The following CNTN5 variants were observed in gnomAD, a reference collection of about 807,000 sequenced individuals.
CNTN5 encodes contactin-5.
In CNTN5, 77 loss-of-function variants were observed where a neutral mutation model predicts 129.1. The observed-to-expected ratio is 0.60, with a 90% CI of 0.50 to 0.72. The LOEUF is 0.72. CNTN5 is among the 30% of genes least tolerant of loss of function. The pLI, the probability that CNTN5 is intolerant of heterozygous loss-of-function variation, is 0.00. For synonymous variants in CNTN5, 509 were observed against 465.6 expected (o/e 1.09, Z -1.20); for missense variants, 1,478 against 1,328.8 (o/e 1.11, Z -1.75).
At chr11:99,988,252 G>A (rs1938821002) in intron 8 of CNTN5, among the ~76,000 whole-genome samples, 1 of 152,222 alleles carries the variant, frequency 6.6e-6, no homozygotes, top group Non-Finnish European at 1.5e-5. Flanking sequence ...AACAATCTGT[G>A]CAGATTAAAG....
intron 4 of CNTN5, among the ~76,000 whole-genome samples, chr11:99,826,507 G>A (rs1457366448): frequency 2.6e-5 from 4 of 152,132 alleles, no homozygotes. Context: ...GTATTATTTG[G>A]TAACATAGAA....
chr11:100,116,384 G>A (rs573736026), intron 13 of CNTN5, among the ~76,000 whole-genome samples: 2 of 151,900 alleles, frequency 1.3e-5, no homozygotes, highest in African/African-American at 4.8e-5. Flanking sequence ...AAAACAACCT[G>A]TAGAGCATGG....
intron 3 of CNTN5, among the ~76,000 whole-genome samples, chr11:99,635,362 G>A (rs1320178824): frequency 1.3e-5 from 2 of 152,066 alleles, no homozygotes; most frequent in African/African-American, 4.8e-5. Flanking sequence ...TTAAGATGAG[G>A]AAAATGTTAA....
At chr11:99,170,935 A>T (rs902212423) in intron 1 of CNTN5, among the ~76,000 whole-genome samples, 1 of 152,230 alleles carries the variant, frequency 6.6e-6, no homozygotes. Flanking sequence ...ACATTTCTAA[A>T]TTAAATGGAA....
intron 3 of CNTN5, among the ~76,000 whole-genome samples, chr11:99,582,800 T>A (rs981924401): frequency 6.6e-6 from 1 of 152,200 alleles, no homozygotes; most frequent in Admixed American, 6.5e-5. Context: ...TAGTTTGATC[T>A]TCTGAAGCCT....
At chr11:99,968,582 T>C (rs952624105) in intron 8 of CNTN5, among the ~76,000 whole-genome samples, 1 of 151,314 alleles carries the variant, frequency 6.6e-6, no homozygotes, top group African/African-American at 2.4e-5. Flanking sequence ...CAATGGAATG[T>C]AGCAAAGCCA....
At position 99,221,562 on chromosome 11, in the gene CNTN5, A is replaced by T. The variant is rs572639993; in HGVS notation, c.-209-103784A>T. 3.3e-5 allele frequency among the ~76,000 whole-genome samples: 5 copies of T among 152,066 alleles called. No homozygotes were observed. In the East Asian group the frequency reaches 9.6e-4, roughly 29 times the overall value. Reference sequence around the variant, plus strand: ...TCAGTTTATTCCCCTGATGGAAAAAAATGTTAATAGATATGCCACTTTTTA... The same window carrying T: ...TCAGTTTATTCCCCTGATGGAAAAATATGTTAATAGATATGCCACTTTTTA... On this transcript the variant is annotated intron_variant, in intron 1 of 24. Transcript: ENST00000524871.
chr11:99,767,454 A>T (rs1010663073), intron 3 of CNTN5, among the ~76,000 whole-genome samples: 7 of 152,076 alleles, frequency 4.6e-5, no homozygotes, highest in African/African-American at 1.7e-4. Flanking sequence ...ATATCACAAG[A>T]TTAGTGAATT....
chr11:99,369,157 T>C (rs1279358991), intron 2 of CNTN5, among the ~76,000 whole-genome samples: 1 of 147,468 alleles, frequency 6.8e-6, no homozygotes, highest in Non-Finnish European at 1.5e-5. Context: ...GACAAGAGGC[T>C]GGGAGAAGAA....
At chr11:99,725,471 G>C (rs10893798) in intron 3 of CNTN5, among the ~76,000 whole-genome samples, 42,454 of 151,462 alleles carry the variant, frequency 0.28, 6,354 homozygotes, top group African/African-American at 0.38. Context: ...TGTAGGCAAA[G>C]TTTTGATCCA....
intron 1 of CNTN5, among the ~76,000 whole-genome samples, chr11:99,218,104 G>T (rs1326454844): frequency 6.6e-6 from 1 of 152,006 alleles, no homozygotes; most frequent in Non-Finnish European, 1.5e-5. Flanking sequence ...TAAGATCAAT[G>T]ATCCTTCCTT....
At chr11:99,306,804 A>G (rs550222168) in intron 1 of CNTN5, among the ~76,000 whole-genome samples, 1 of 150,936 alleles carries the variant, frequency 6.6e-6, no homozygotes, top group African/African-American at 2.4e-5. Context: ...TAATATACAC[A>G]TAACATAAAA....
intron 21 of CNTN5, among the ~76,000 whole-genome samples, chr11:100,330,036 G>C (rs543892523): frequency 6.6e-6 from 1 of 152,246 alleles, no homozygotes; most frequent in Admixed American, 6.5e-5. Flanking sequence ...AATCAAGGAG[G>C]CACCAGAGAA....
chr11:99,931,001 T>C (rs915712450), intron 7 of CNTN5, among the ~76,000 whole-genome samples: 1 of 152,218 alleles, frequency 6.6e-6, no homozygotes, highest in African/African-American at 2.4e-5. Context: ...GTATAAATTA[T>C]ATACTCTCAA....
intron 4 of CNTN5, among the ~76,000 whole-genome samples, chr11:99,827,660 A>G (rs188094844): frequency 3.3e-5 from 5 of 152,324 alleles, no homozygotes; most frequent in Admixed American, 3.3e-4. Flanking sequence ...TATATCTGTA[A>G]TAACTTACAC....
chr11:99,185,380 G>C (rs1012745697), intron 1 of CNTN5, among the ~76,000 whole-genome samples: 3 of 151,768 alleles, frequency 2.0e-5, no homozygotes, highest in African/African-American at 7.3e-5. Flanking sequence ...GTAAATGATA[G>C]GTTAAGAAGT....
At chr11:100,258,749 A>G (rs1950131222) in intron 17 of CNTN5, among the ~76,000 whole-genome samples, 1 of 152,186 alleles carries the variant, frequency 6.6e-6, no homozygotes, top group East Asian at 1.9e-4. Flanking sequence ...AAATGCTGAG[A>G]GATGTTGTCA....
chr11:99,450,283 T>TAC (rs1447814535), intron 2 of CNTN5, among the ~76,000 whole-genome samples: 6 of 150,198 alleles, frequency 4.0e-5, no homozygotes, highest in African/African-American at 1.5e-4. Flanking sequence ...TATATATATA[T>TAC]ATGTTTGTGT....
chr11:99,488,955 G>T (rs114320061), intron 2 of CNTN5, among the ~76,000 whole-genome samples: 2,372 of 152,034 alleles, frequency 0.016, 63 homozygotes, highest in African/African-American at 0.054. Flanking sequence ...TACTATTTTT[G>T]AATCTAAATA....
Sources: allele counts gnomAD v4.1 joint callset (sites outside exome capture counted in the v4.1 genomes callset), GRCh38; gene constraint gnomAD v4.1.1; transcripts MANE v1.5; gene names NCBI Gene and HGNC (gene_info 2026-07-23, HGNC 2026-07-21).